Variants in PIGL observed in about 807,000 individuals in gnomAD.
PIGL encodes the protein N-acetylglucosaminyl-phosphatidylinositol de-N-acetylase.
Under a neutral mutation model 31.1 loss-of-function variants are expected in PIGL, and 22 were observed. The observed-to-expected ratio is 0.71, with a 90% CI of 0.51 to 1.01. The LOEUF (loss-of-function observed/expected upper bound fraction) is 1.01. Ranked by LOEUF, PIGL falls within the 50% of genes least tolerant of loss-of-function variation. PIGL has a pLI of 0.00. For missense variants in PIGL, 302 were observed against 315.9 expected (o/e 0.96, Z 0.33); for synonymous variants, 131 against 117.4 (o/e 1.12, Z -0.75).
intron 2 of PIGL, among the ~76,000 whole-genome samples, chr17:16,298,294 G>C (rs1027033616): frequency 7.9e-5 from 12 of 152,190 alleles, no homozygotes; most frequent in Non-Finnish European, 1.8e-4. Flanking sequence ...ATAGGGAGGT[G>C]ATAACAGCCT....
intron 2 of PIGL, among the ~76,000 whole-genome samples, chr17:16,270,983 T>C (rs183434815): frequency 5.5e-4 from 84 of 152,270 alleles, no homozygotes; most frequent in Non-Finnish European, 9.0e-4. Context: ...GTAATTGGGA[T>C]GTATTATGAA....
At chr17:16,226,690 G>A (rs2092653616) in intron 1 of PIGL, among the ~76,000 whole-genome samples, 1 of 152,164 alleles carries the variant, frequency 6.6e-6, no homozygotes, top group South Asian at 2.1e-4. Flanking sequence ...CCTTCTGCTA[G>A]AACCAAGCCT....
chr17:16,222,208 C>G (rs2092632557), intron 1 of PIGL, among the ~76,000 whole-genome samples: 1 of 151,814 alleles, frequency 6.6e-6, no homozygotes, highest in South Asian at 2.1e-4. Context: ...ACTATGGACA[C>G]AAAATGGAAA....
rs571253940 is a variant in PIGL at position 16,310,505 on chromosome 17, G to A, written c.427-3042G>A. ...TAACTGATCGAAACTCATGTACTTG[G>A]TTGGTAGCTGTCAGAATAAGAGTGC... On this transcript the variant is annotated intron_variant, in intron 3 of 6. Transcript: ENST00000225609. Among the ~76,000 whole-genome samples the A allele has an allele frequency of 5.9e-5, 9 of 152,218 alleles. 1 individual carries two copies. In the South Asian group the frequency reaches 1.7e-3, roughly 28 times the overall value.
chr17:16,321,934 G>A (rs1437107903), intron 6 of PIGL, among the ~76,000 whole-genome samples: 2 of 151,754 alleles, frequency 1.3e-5, no homozygotes, highest in Non-Finnish European at 2.9e-5. Flanking sequence ...ACAGGCACAC[G>A]CCACCACGCC....
At chr17:16,243,169 G>T (rs1320579852) in intron 2 of PIGL, among the ~76,000 whole-genome samples, 8 of 152,064 alleles carry the variant, frequency 5.3e-5, no homozygotes, top group Admixed American at 5.2e-4. Flanking sequence ...TCCTGCCTCA[G>T]CCTCCCAAGT....
At chr17:16,316,737 G>A (rs2093078918) in intron 5 of PIGL, 25 bp downstream of exon 5, 4 of 1,609,132 alleles carry the variant, frequency 2.5e-6, no homozygotes, top group African/African-American at 1.3e-5. Context: ...TTTTGCAAAG[G>A]GCCACAAGAT....
At position 16,288,331 on chromosome 17, in the gene PIGL, C is replaced by T. The variant is rs893702330; in HGVS notation, c.336-11557C>T. Among the ~76,000 whole-genome samples the T allele has an allele frequency of 1.8e-4, 27 of 151,192 alleles. 1 individual carries two copies. The highest frequency in any genetic ancestry group is 5.8e-4 in the African/African-American group (24 of 41,192). ...AGGCTATTCTCCTGCCTCAGCCTCC[C>T]GAGTAGCTGGGATTACAGGTGCCTG... On this transcript the variant is annotated intron_variant, in intron 2 of 6. Coordinates refer to ENST00000225609, the MANE Select transcript of PIGL (RefSeq NM_004278.4).
intron 2 of PIGL, among the ~76,000 whole-genome samples, chr17:16,236,789 G>T (rs1316928331): frequency 6.6e-6 from 1 of 152,008 alleles, no homozygotes; most frequent in African/African-American, 2.4e-5. Context: ...GGCTGGTCTC[G>T]AACTCCTGAC....
intron 3 of PIGL, among the ~76,000 whole-genome samples, chr17:16,305,596 A>G (rs2093023097): frequency 6.6e-6 from 1 of 152,228 alleles, no homozygotes; most frequent in South Asian, 2.1e-4. Flanking sequence ...ACAGGATGAG[A>G]GAAAAAACAA....
chr17:16,312,928 A>AGGG (rs869065594), intron 3 of PIGL: 2 of 25,342 alleles, frequency 7.9e-5, no homozygotes, highest in African/African-American at 2.7e-4. Flanking sequence ...GGGAGGGGGA[A>AGGG]GGGGGGGGGA....
intron 2 of PIGL, among the ~76,000 whole-genome samples, chr17:16,264,768 T>A (rs2142756853): frequency 6.6e-6 from 1 of 151,772 alleles, no homozygotes; most frequent in East Asian, 2.0e-4. Flanking sequence ...TGCCTCAGCC[T>A]CCCAAGTAGC....
At chr17:16,241,216 C>T (rs532166069) in intron 2 of PIGL, among the ~76,000 whole-genome samples, 66 of 148,518 alleles carry the variant, frequency 4.4e-4, no homozygotes, top group Admixed American at 7.4e-4. Flanking sequence ...TAAAGATTAG[C>T]GAGGGTAGTT....
In PIGL at chr17:16,220,359, T is replaced by TAG. The variant is rs569145419; in HGVS notation, c.235+2909_235+2910dup. Among the ~76,000 whole-genome samples the TAG allele has an allele frequency of 6.8e-3, 1,036 of 151,674 alleles. 20 individuals carry two copies. The highest frequency in any genetic ancestry group is 0.023 in the African/African-American group (966 of 41,416). On this transcript the variant is annotated intron_variant, in intron 1 of 6. Coordinates refer to ENST00000225609, the MANE Select transcript of PIGL (RefSeq NM_004278.4). ...GAGACTCCGTCTCAAAAAATATATA[T>TAG]AGAGAGAGAGAGCATGCACTTGGCA...
intron 2 of PIGL, among the ~76,000 whole-genome samples, chr17:16,253,170 C>T (rs1199253275): frequency 6.6e-6 from 1 of 152,150 alleles, no homozygotes; most frequent in African/African-American, 2.4e-5. Flanking sequence ...AAGAGAATAG[C>T]TTGAACCCGG....
intron 2 of PIGL, among the ~76,000 whole-genome samples, chr17:16,270,850 G>T (rs1395849735): frequency 6.6e-6 from 1 of 151,340 alleles, no homozygotes; most frequent in African/African-American, 2.4e-5. Flanking sequence ...CCGAGATCGC[G>T]CAACTGCATT....
Position 16,326,015 on chromosome 17 carries a change from G to A in PIGL, c.*117G>A. ...GCTCAAGGAGATCCCCGCTGGAGCA[G>A]CCTCTGCAAAAGGGAGCCCATGTAG... On this transcript the variant is annotated 3_prime_UTR_variant, in exon 7 of 7. Transcript: ENST00000225609. 1.4e-6 allele frequency: 1 copy of A among 725,542 alleles called. No homozygotes were observed. Among genetic ancestry groups the A allele is most frequent in the South Asian group, 1.7e-5 (1 of 58,318 alleles). 44.9% of individuals were successfully genotyped at this position (725,542 alleles called of 1,614,324 possible). A position where few individuals can be genotyped will look rare whatever the true frequency, so the allele number is the denominator to read the frequency against.
intron 2 of PIGL, among the ~76,000 whole-genome samples, chr17:16,257,829 C>G (rs535157547): frequency 6.6e-6 from 1 of 152,002 alleles, no homozygotes; most frequent in South Asian, 2.1e-4. Flanking sequence ...CTTTGGGAGG[C>G]CAAGGCGGGC....
chr17:16,253,965 G>A (rs547217668), intron 2 of PIGL, among the ~76,000 whole-genome samples: 3 of 151,592 alleles, frequency 2.0e-5, no homozygotes, highest in Admixed American at 6.6e-5. Flanking sequence ...AAAATAGGAC[G>A]TCCCAGTACC....
Sources: gnomAD v4.1 joint callset for allele counts (sites outside exome capture counted in the v4.1 genomes callset) on GRCh38, gnomAD v4.1.1 for gene constraint, MANE v1.5 for transcripts, NCBI Gene and HGNC (gene_info 2026-07-23, HGNC 2026-07-21) for gene names.